CNTNAP2: variants seen among roughly 807,000 people sequenced by gnomAD.
CNTNAP2 encodes the protein contactin-associated protein-like 2.
A neutral mutation model predicts 155.2 loss-of-function variants in CNTNAP2; 98 were observed. That is an observed-to-expected ratio of 0.63 (90% CI 0.54 to 0.75). CNTNAP2 has a LOEUF of 0.75. Among genes scored for constraint, CNTNAP2 ranks in the 30% least tolerant of loss-of-function variants. CNTNAP2 has a pLI of 0.00. For synonymous variants in CNTNAP2, 651 were observed against 631.2 expected (o/e 1.03, Z -0.47); for missense variants, 1,727 against 1,688.1 (o/e 1.02, Z -0.40).
chr7:148,181,780 C>T (rs1294538172), intron 18 of CNTNAP2, among the ~76,000 whole-genome samples: 3 of 69,612 alleles, frequency 4.3e-5, no homozygotes, highest in East Asian at 5.2e-4. Flanking sequence ...TTTTTTGAGA[C>T]GGAGTCTCGC....
intron 1 of CNTNAP2, among the ~76,000 whole-genome samples, chr7:146,461,729 T>C (rs1796640563): frequency 6.6e-6 from 1 of 152,174 alleles, no homozygotes; most frequent in Non-Finnish European, 1.5e-5. Context: ...TAGGATTCAG[T>C]ACCTGTCTAA....
chr7:147,047,447 C>A (rs1206773763), intron 4 of CNTNAP2, among the ~76,000 whole-genome samples: 1 of 151,858 alleles, frequency 6.6e-6, no homozygotes, highest in Non-Finnish European at 1.5e-5. Context: ...GTTCAAGAAT[C>A]TTGCTCATAT....
intron 8 of CNTNAP2, among the ~76,000 whole-genome samples, chr7:147,201,380 A>G (rs1802917912): frequency 6.6e-6 from 1 of 152,204 alleles, no homozygotes; most frequent in Admixed American, 6.5e-5. Context: ...TGAAGGCGTG[A>G]ATGTCTCATT....
intron 1 of CNTNAP2, among the ~76,000 whole-genome samples, chr7:146,347,790 T>G (rs1794840791): frequency 6.6e-6 from 1 of 152,192 alleles, no homozygotes; most frequent in Non-Finnish European, 1.5e-5. Context: ...GGTATTGAAC[T>G]CCTGATCTCA....
At chr7:148,078,673 G>A (rs929380435) in intron 15 of CNTNAP2, among the ~76,000 whole-genome samples, 2 of 151,960 alleles carry the variant, frequency 1.3e-5, no homozygotes, top group African/African-American at 4.8e-5. Flanking sequence ...TAGAGACAGG[G>A]TTTCACCATG....
intron 9 of CNTNAP2, among the ~76,000 whole-genome samples, chr7:147,314,631 CAAA>C (rs55782191): frequency 0.58 from 75,802 of 131,784 alleles, 21,196 homozygotes; most frequent in East Asian, 0.75. Flanking sequence ...CTACATGCTT[CAAA>C]AAGTCAGCAA....
chr7:148,389,035 G>A (rs867365648), intron 22 of CNTNAP2, among the ~76,000 whole-genome samples: 68 of 152,246 alleles, frequency 4.5e-4, no homozygotes, highest in Middle Eastern at 3.4e-3. Flanking sequence ...CTCCAGCTGC[G>A]TGCTGGGAGA....
intron 5 of CNTNAP2, among the ~76,000 whole-genome samples, chr7:147,112,280 A>C (rs1800894849): frequency 6.6e-6 from 1 of 152,154 alleles, no homozygotes. Flanking sequence ...TTGGGCTGAG[A>C]TGATGAGGTT....
chr7:146,214,636 A>T (rs754407855), intron 1 of CNTNAP2, among the ~76,000 whole-genome samples: 9 of 152,202 alleles, frequency 5.9e-5, no homozygotes, highest in Non-Finnish European at 1.3e-4. Context: ...TAAATTTTAC[A>T]ATGAGTCATT....
At chr7:147,897,116 A>G (rs540762140) in intron 13 of CNTNAP2, 1 of 152,254 alleles carries the variant, frequency 6.6e-6, no homozygotes, top group East Asian at 1.9e-4. Context: ...CCCCTAGAGT[A>G]TGTTCCTTGT....
chr7:147,741,276 C>A (rs1796951374), intron 13 of CNTNAP2, among the ~76,000 whole-genome samples: 1 of 152,192 alleles, frequency 6.6e-6, no homozygotes, highest in Non-Finnish European at 1.5e-5. Flanking sequence ...TCATTTTAAA[C>A]ACTGGCTTCA....
chr7:147,643,728 C>A (rs1024302012), intron 13 of CNTNAP2, among the ~76,000 whole-genome samples: 2 of 152,100 alleles, frequency 1.3e-5, no homozygotes, highest in Admixed American at 6.5e-5. Flanking sequence ...AATAGCTTTG[C>A]GCTTAAAATG....
At chr7:146,462,554 A>G (rs896955668) in intron 1 of CNTNAP2, among the ~76,000 whole-genome samples, 5 of 152,162 alleles carry the variant, frequency 3.3e-5, no homozygotes, top group African/African-American at 1.2e-4. Flanking sequence ...TTAAAGTAAC[A>G]CTGCTCTTGA....
At chr7:146,912,426 TAAG>T (rs1290600931) in intron 3 of CNTNAP2, among the ~76,000 whole-genome samples, 4 of 152,096 alleles carry the variant, frequency 2.6e-5, no homozygotes, top group African/African-American at 4.8e-5. Context: ...TTATCCATAA[TAAG>T]AAAAAAGATA....
intron 1 of CNTNAP2, among the ~76,000 whole-genome samples, chr7:146,148,296 T>G (rs922816006): frequency 6.6e-6 from 1 of 152,078 alleles, no homozygotes; most frequent in Non-Finnish European, 1.5e-5. Flanking sequence ...ATATATAGAG[T>G]ATTTTCTCTT....
At chr7:148,347,138 T>A (rs948336923) in intron 21 of CNTNAP2, among the ~76,000 whole-genome samples, 36 of 152,004 alleles carry the variant, frequency 2.4e-4, no homozygotes, top group South Asian at 1.0e-3. Context: ...GTGCCTGTAA[T>A]CCCAGCTACT....
chr7:146,236,434 A>G (rs985997830), intron 1 of CNTNAP2, among the ~76,000 whole-genome samples: 9 of 152,180 alleles, frequency 5.9e-5, no homozygotes, highest in Non-Finnish European at 1.3e-4. Flanking sequence ...AAATTGTCTT[A>G]TATGAGTTGA....
intron 1 of CNTNAP2, among the ~76,000 whole-genome samples, chr7:146,321,975 A>G (rs1051567146): frequency 4.0e-5 from 6 of 150,894 alleles, no homozygotes; most frequent in African/African-American, 1.5e-4. Flanking sequence ...TCATTTAAAT[A>G]TGAAAAAAAA....
chr7:146,932,826 T>C (rs1381176421), intron 3 of CNTNAP2, among the ~76,000 whole-genome samples: 5 of 151,866 alleles, frequency 3.3e-5, no homozygotes, highest in Admixed American at 1.3e-4. Flanking sequence ...ATGTGTGAAC[T>C]CCCATTCACA....
Sources: allele counts gnomAD v4.1 joint callset (sites outside exome capture counted in the v4.1 genomes callset), GRCh38; gene constraint gnomAD v4.1.1; transcripts MANE v1.5; gene names NCBI Gene and HGNC (gene_info 2026-07-23, HGNC 2026-07-21).